LIMD2: variants seen among roughly 807,000 people sequenced by gnomAD.
The protein encoded by LIMD2 is LIM domain containing 2, also known as LIM domain-containing protein 2.
In LIMD2, 11 loss-of-function variants were observed where a neutral mutation model predicts 16.0. The observed-to-expected ratio is 0.69, with a 90% confidence interval of 0.43 to 1.14. LIMD2 has a LOEUF of 1.14. Ranked by LOEUF, LIMD2 falls within the 50% of genes most tolerant of loss-of-function variation. The pLI, the probability that LIMD2 is intolerant of heterozygous loss-of-function variation, is 0.00. For missense variants in LIMD2, 168 were observed against 165.8 expected, an observed-to-expected ratio of 1.01 and a Z score of -0.07; for synonymous variants, 60 against 67.1, an observed-to-expected ratio of 0.89 and a Z score of 0.52.
Position 63,695,914 on chromosome 17 carries a change from ATTG to A in LIMD2, c.*2635_*2637del. The A allele has an allele frequency of 6.6e-6, 1 of 152,542 alleles. No individual in the cohort carries two copies. The highest frequency in any genetic ancestry group is 1.9e-4 in the East Asian group (1 of 5,204). The allele number at this position is 152,542 out of a possible 1,614,324, so 9.4% of individuals were successfully genotyped here. ...TCAGGACCAAGTTGTTGCTTAATTT[ATTG>A]TTTTTTAATAACTAATCCAGATAAA... On this transcript the variant is annotated 3_prime_UTR_variant, in exon 5 of 5. Transcript: ENST00000259006. This position sits in a 1 kb window ranked among gnomAD's most constrained non-coding sequence, Gnocchi z 4.1.
intron 1 of LIMD2, chr17:63,699,818 C>T (rs1261909534): frequency 3.1e-6 from 3 of 958,924 alleles, no homozygotes; most frequent in Non-Finnish European, 3.7e-6. Context: ...CCCGCGAGGA[C>T]CGGACCCCAG....
chr17:63,699,469 T>C (rs2035750769), intron 1 of LIMD2, 121 bp from the exon 2 acceptor site: 1 of 939,704 alleles, frequency 1.1e-6, no homozygotes, highest in East Asian at 2.9e-5. Context: ...TCATTTCCTG[T>C]TGCTCTTGGT....
rs1398181086 is a variant in LIMD2 at position 63,698,937 on chromosome 17, G to A, written c.86C>T (p.Ser29Phe). Reference protein sequence around the residue: ...GGSSTVQRSKSFSLRAQVKET... With the variant: ...GGSSTVQRSKFFSLRAQVKET... ...CTTCACCTGGGCCCGCAGGCTGAAG[G>A]ACTGTGCGGGAAGCTCAGCCAGGTG... is the stretch of plus-strand genomic sequence containing the variant. The change falls in exon 4 of 5, where the codon TCC becomes TTC. Residue 29 changes from serine (S) to phenylalanine (F), a missense_variant and splice_region_variant. By Grantham distance (155) the Ser-to-Phe change is radical. Transcript: ENST00000259006. 3.1e-6 allele frequency: 5 copies of A among 1,612,656 alleles called. No homozygotes were observed. The highest frequency in any genetic ancestry group is 4.2e-6 in the Non-Finnish European group (5 of 1,179,930).
At position 63,695,963 on chromosome 17, in the gene LIMD2, G is replaced by A. The variant is rs1320894629; in HGVS notation, c.*2589C>T. The A allele has an allele frequency of 6.6e-6, 1 of 152,566 alleles. No individual in the cohort carries two copies. The allele number at this position is 152,566 out of a possible 1,614,324, so 9.5% of individuals were successfully genotyped here. Reference sequence around the variant, plus strand: ...ATAAAAAGTTGTGGGGCTTCAGGGTGACCTGGGCCCAAAGGTTCTGAAGGG... The same window carrying A: ...ATAAAAAGTTGTGGGGCTTCAGGGTAACCTGGGCCCAAAGGTTCTGAAGGG... On this transcript the variant is annotated 3_prime_UTR_variant, in exon 5 of 5. Transcript: ENST00000259006. The surrounding 1 kb of genome is among the most constrained non-coding windows in gnomAD (Gnocchi z 4.1).
At chr17:63,699,916 C>T (rs1340618553) in intron 1 of LIMD2, 116 bp downstream of exon 1, 1 of 984,188 alleles carries the variant, frequency 1.0e-6, no homozygotes, top group Non-Finnish European at 1.2e-6. Context: ...CTGTGCGCCC[C>T]GGGCGAGAGC....
Position 63,699,348 on chromosome 17 carries a change from T to A in LIMD2, c.-50A>T. On this transcript the variant is annotated splice_region_variant and 5_prime_UTR_variant, in exon 2 of 5. Coordinates refer to ENST00000259006, the MANE Select transcript of LIMD2 (RefSeq NM_030576.4). ...GGTGGAGAAGCGGCACCCGCTGGGT[T>A]CTGCAAGGGGAAGTCAGTCGGGAGG... is the stretch of plus-strand genomic sequence containing the variant. The A allele has an allele frequency of 6.4e-7, 1 of 1,570,830 alleles. No homozygotes were observed. The highest frequency in any genetic ancestry group is 8.6e-7 in the Non-Finnish European group (1 of 1,158,874).
At chr17:63,699,847 C>G (rs949347080) in intron 1 of LIMD2, 185 bp downstream of exon 1, 17 of 984,158 alleles carry the variant, frequency 1.7e-5, no homozygotes, top group Non-Finnish European at 1.9e-5. Context: ...GCCGCGAGCC[C>G]CGCCAGCGGG....
At chr17:63,699,835 A>G (rs2035758792) in intron 1 of LIMD2, 197 bp downstream of exon 1, 3 of 975,822 alleles carry the variant, frequency 3.1e-6, no homozygotes, top group Non-Finnish European at 3.6e-6. Context: ...CCAGACCCCG[A>G]CGCCGCGAGC....
Position 63,699,250 on chromosome 17 carries a change from C to G in LIMD2, c.42+7G>C. ...CGGGGGGCCCTCCCACCCAGCCGGGCACTTACATGAGAGGGGGTGGCCTGG... is the reference window on the plus strand; with the variant it reads ...CGGGGGGCCCTCCCACCCAGCCGGGGACTTACATGAGAGGGGGTGGCCTGG... On this transcript the variant is annotated splice_region_variant and intron_variant, in intron 2 of 4. Coordinates refer to ENST00000259006, the MANE Select transcript of LIMD2 (RefSeq NM_030576.4). 6.2e-7 allele frequency: 1 copy of G among 1,611,740 alleles called. No individual in the cohort carries two copies. Among genetic ancestry groups the G allele is most frequent in the Non-Finnish European group, 8.5e-7 (1 of 1,179,536 alleles).
chr17:63,699,796 C>T, intron 1 of LIMD2: 1 of 881,002 alleles, frequency 1.1e-6, no homozygotes, highest in Non-Finnish European at 1.4e-6. Flanking sequence ...GCCCCTCGGC[C>T]CCCGACCTGG....
rs779179399 is a variant in LIMD2, at chr17:63,699,319, C to G, written c.-21G>C. 18 of 1,598,986 alleles carry G rather than the reference C, an allele frequency of 1.1e-5. No homozygotes were observed. In the East Asian group the frequency reaches 4.0e-4, roughly 36 times the overall value. ...AACATGGCTCGTTGGAGGTGGAAGC[C>G]TCGGGTGGAGAAGCGGCACCCGCTG... On this transcript the variant is annotated 5_prime_UTR_variant, in exon 2 of 5. Transcript: ENST00000259006.
intron 2 of LIMD2, 61 bp downstream of exon 2, chr17:63,699,196 T>A (rs1406365814): frequency 6.3e-7 from 1 of 1,599,996 alleles, no homozygotes; most frequent in Non-Finnish European, 8.5e-7. Flanking sequence ...CTGATGCCTC[T>A]CCCCTTCACC....
rs1008303191 is a variant in LIMD2, at chr17:63,698,600, C to T, written c.336G>A (p.Lys112=). The change falls in exon 5 of 5, where the codon AAG becomes AAA. Residue 112 remains lysine (K), a synonymous_variant. Coordinates refer to ENST00000259006, the MANE Select transcript of LIMD2 (RefSeq NM_030576.4). Reference sequence around the variant, plus strand: ...CCACCTCCTTGTGGGCCCAGAGCTCCTTGTGCTGCTTGCGGCCAAACCCCT... The same window carrying T: ...CCACCTCCTTGTGGGCCCAGAGCTCTTTGTGCTGCTTGCGGCCAAACCCCT... The part of the protein sequence containing the change: ...YDEGFGRKQH[K]ELWAHKEVDP... 1.4e-5 allele frequency: 22 copies of T among 1,613,910 alleles called. No individual in the cohort carries two copies. Among genetic ancestry groups the T allele is most frequent in the Non-Finnish European group, 1.6e-5 (19 of 1,180,012 alleles).
intron 1 of LIMD2, chr17:63,699,581 G>A (rs1463070192): frequency 2.4e-6 from 1 of 411,500 alleles, no homozygotes; most frequent in Non-Finnish European, 4.2e-6. Flanking sequence ...AGCGGGAGCG[G>A]AGGGGCCGGG....
chr17:63,699,741 A>C, intron 1 of LIMD2: 7 of 702,750 alleles, frequency 1.0e-5, no homozygotes, highest in Non-Finnish European at 1.2e-5. Flanking sequence ...GTCCAGGCCT[A>C]GGCTGCGCAG....
Position 63,697,091 on chromosome 17 carries a change from T to C in LIMD2, c.*1461A>G, listed in dbSNP as rs1302338162. On this transcript the variant is annotated 3_prime_UTR_variant, in exon 5 of 5. Coordinates refer to ENST00000259006, the MANE Select transcript of LIMD2 (RefSeq NM_030576.4). ...TCTGGAGCAGGACAACCCAGACTTC[T>C]GCCTGTGTCCCACCGGGGCGCCCTC... 6.6e-6 allele frequency: 1 copy of C among 152,320 alleles called. No individual in the cohort carries two copies. The highest frequency in any genetic ancestry group is 6.5e-5 in the Admixed American group (1 of 15,292). The allele number at this position is 152,320 out of a possible 1,614,324, so 9.4% of individuals were successfully genotyped here.
chr17:63,699,913 C>A (rs2035759950), intron 1 of LIMD2, 119 bp downstream of exon 1: 1 of 984,184 alleles, frequency 1.0e-6, no homozygotes, highest in Non-Finnish European at 1.2e-6. Flanking sequence ...AGCCTGTGCG[C>A]CCCGGGCGAG....
Position 63,698,238 on chromosome 17 carries a change from A to T in LIMD2, c.*314T>A. ...GGGGCATGCTGACTCCTTGCTGGAG[A>T]AAAGGCACCTAGATAGGGGAGCTGG... On this transcript the variant is annotated 3_prime_UTR_variant, in exon 5 of 5. Transcript: ENST00000259006. The T allele has an allele frequency of 2.7e-6, 1 of 364,232 alleles. No homozygotes were observed. The highest frequency in any genetic ancestry group is 2.1e-5 in the African/African-American group (1 of 48,004). The allele number at this position is 364,232 out of a possible 1,614,324, so 22.6% of individuals were successfully genotyped here.
At chr17:63,698,768 CGAG>C in intron 4 of LIMD2, 28 bp downstream of exon 4, 1 of 1,551,450 alleles carries the variant, frequency 6.4e-7, no homozygotes, top group South Asian at 1.1e-5. Context: ...GGTTGGCAGG[CGAG>C]GCGGGGGCGG....
Sources: allele counts gnomAD v4.1 joint callset, GRCh38; gene constraint gnomAD v4.1.1; non-coding constraint Gnocchi (gnomAD v3.1); transcripts MANE v1.5; gene names NCBI Gene and HGNC (gene_info 2026-07-23, HGNC 2026-07-21).